RAB38: variants seen among roughly 807,000 people sequenced by gnomAD.
The protein encoded by RAB38 is RAB38, member RAS oncogene family, also known as ras-related protein Rab-38.
A neutral mutation model predicts 18.4 loss-of-function variants in RAB38; 15 were observed. The ratio of observed to expected loss-of-function variants is 0.82; its 90% CI spans 0.55 to 1.26. The LOEUF (loss-of-function observed/expected upper bound fraction) is 1.26. Among genes scored for constraint, RAB38 ranks in the 50% most tolerant of loss-of-function variants. The probability of loss-of-function intolerance (pLI) is 0.00; values close to 1 mark genes in which losing one functional copy is unlikely to be tolerated. For synonymous variants in RAB38, 101 were observed against 104.4 expected (o/e 0.97, Z 0.20); for missense variants, 294 against 267.4 (o/e 1.10, Z -0.69).
the RAB38 span, among the ~76,000 whole-genome samples, chr11:88,083,024 C>A: frequency 6.6e-6 from 1 of 151,978 alleles, no homozygotes; most frequent in Non-Finnish European, 1.5e-5. Flanking sequence ...TTGGTCACTT[C>A]ACTGTTCCTT....
chr11:88,169,448 T>C (rs1388097219), intron 1 of RAB38, among the ~76,000 whole-genome samples: 2 of 152,234 alleles, frequency 1.3e-5, no homozygotes, highest in African/African-American at 4.8e-5. Context: ...GTTATGCACA[T>C]GTTCACAGGC....
chr11:87,876,113 T>C, the RAB38 span, among the ~76,000 whole-genome samples: 1 of 151,622 alleles, frequency 6.6e-6, no homozygotes, highest in African/African-American at 2.4e-5. Context: ...TTTCCTCTAA[T>C]ATTTCAATAT....
chr11:87,823,546 T>C, the RAB38 span, among the ~76,000 whole-genome samples: 1 of 152,166 alleles, frequency 6.6e-6, no homozygotes, highest in African/African-American at 2.4e-5. Flanking sequence ...TAGTGTGGCA[T>C]TATCTAACAT....
intron 2 of RAB38, among the ~76,000 whole-genome samples, chr11:88,120,969 C>A (rs1157248902): frequency 5.9e-5 from 9 of 152,126 alleles, no homozygotes; most frequent in Admixed American, 5.9e-4. Flanking sequence ...GAAATTAAGG[C>A]AAAGAGACAG....
At chr11:87,896,707 G>A in the RAB38 span, among the ~76,000 whole-genome samples, 2 of 151,596 alleles carry the variant, frequency 1.3e-5, no homozygotes, top group African/African-American at 2.4e-5. Flanking sequence ...TTCAGGTCCC[G>A]AATGTGCTTG....
chr11:87,961,540 C>G, the RAB38 span, among the ~76,000 whole-genome samples: 1 of 152,160 alleles, frequency 6.6e-6, no homozygotes, highest in Non-Finnish European at 1.5e-5. Context: ...ATAAACCCAT[C>G]TGAGACCCAA....
At chr11:87,924,378 C>G in the RAB38 span, among the ~76,000 whole-genome samples, 1 of 151,996 alleles carries the variant, frequency 6.6e-6, no homozygotes, top group Non-Finnish European at 1.5e-5. Context: ...GCCTTGAACT[C>G]AGAGAACAAA....
At chr11:88,049,105 C>T in the RAB38 span, among the ~76,000 whole-genome samples, 7 of 152,136 alleles carry the variant, frequency 4.6e-5, no homozygotes, top group Non-Finnish European at 8.8e-5. Flanking sequence ...CCCCTAATCC[C>T]GCTTGAAGCA....
At chr11:87,910,190 T>A in the RAB38 span, among the ~76,000 whole-genome samples, 1 of 152,234 alleles carries the variant, frequency 6.6e-6, no homozygotes, top group East Asian at 1.9e-4. Flanking sequence ...TTACTATAGT[T>A]TCAATGTTAA....
chr11:88,108,450 G>A (rs1450710465), downstream of RAB38, among the ~76,000 whole-genome samples: 2 of 151,736 alleles, frequency 1.3e-5, no homozygotes, highest in Non-Finnish European at 2.9e-5. Context: ...CCCGGTTTTT[G>A]TTTTTGTTTG....
the RAB38 span, among the ~76,000 whole-genome samples, chr11:87,895,697 G>A: frequency 6.6e-6 from 1 of 151,500 alleles, no homozygotes; most frequent in Admixed American, 6.6e-5. Flanking sequence ...TCTCTGCTTT[G>A]GGATATGTTT....
the RAB38 span, among the ~76,000 whole-genome samples, chr11:87,803,930 T>C: frequency 2.0e-5 from 3 of 152,232 alleles, no homozygotes; most frequent in African/African-American, 7.2e-5. Context: ...TTGAGAGCCA[T>C]ACTTTCTCTT....
chr11:88,077,229 C>T, the RAB38 span, among the ~76,000 whole-genome samples: 1 of 151,736 alleles, frequency 6.6e-6, no homozygotes, highest in African/African-American at 2.4e-5. Flanking sequence ...ACCAAATGCA[C>T]TTTAAAGATT....
the RAB38 span, among the ~76,000 whole-genome samples, chr11:88,053,902 C>T: frequency 1.3e-5 from 2 of 151,570 alleles, no homozygotes; most frequent in African/African-American, 4.8e-5. Context: ...CATTGCTGCT[C>T]ATACAGCAAG....
At chr11:87,850,148 T>A in the RAB38 span, among the ~76,000 whole-genome samples, 3 of 152,174 alleles carry the variant, frequency 2.0e-5, no homozygotes, top group Admixed American at 6.6e-5. Flanking sequence ...ATCAGTTTAG[T>A]TGTTTTGTCT....
chr11:87,895,739 G>A, the RAB38 span, among the ~76,000 whole-genome samples: 6 of 151,506 alleles, frequency 4.0e-5, no homozygotes, highest in Non-Finnish European at 8.9e-5. Flanking sequence ...AGCAAAATTT[G>A]AAAACCCACT....
the RAB38 span, among the ~76,000 whole-genome samples, chr11:87,832,932 A>G: frequency 6.6e-6 from 1 of 152,172 alleles, no homozygotes; most frequent in East Asian, 1.9e-4. Flanking sequence ...TCAGCTTAGC[A>G]AAACTTCCAA....
chr11:88,037,319 A>G, the RAB38 span, among the ~76,000 whole-genome samples: 1 of 152,088 alleles, frequency 6.6e-6, no homozygotes. Flanking sequence ...GTAGATAATT[A>G]AATACTTTCA....
the RAB38 span, among the ~76,000 whole-genome samples, chr11:88,004,139 T>G: frequency 0.63 from 93,096 of 146,898 alleles, 29,726 homozygotes; most frequent in East Asian, 0.73. Context: ...AAAATACTGA[T>G]AAAATATTAC....
Sources: allele counts gnomAD v4.1 joint callset (sites outside exome capture counted in the v4.1 genomes callset), GRCh38; gene constraint gnomAD v4.1.1; transcripts MANE v1.5; gene names NCBI Gene and HGNC (gene_info 2026-07-23, HGNC 2026-07-21).